The following C6orf89 variants were observed in gnomAD, a reference collection of about 807,000 sequenced individuals.
C6orf89 encodes the protein bombesin receptor-activated protein C6orf89.
C6orf89 carries 29 observed loss-of-function variants against 40.7 expected under a neutral mutation model. The ratio of observed to expected loss-of-function variants is 0.71; its 90% confidence interval spans 0.53 to 0.97. The LOEUF (loss-of-function observed/expected upper bound fraction) is 0.97, where lower values mean the gene tolerates loss of function less well. C6orf89 is among the 50% of genes least tolerant of loss of function. The probability of loss-of-function intolerance (pLI) is 0.00; values close to 1 mark genes in which losing one functional copy is unlikely to be tolerated. For synonymous variants in C6orf89, 165 were observed against 152.2 expected (o/e 1.08, Z -0.62); for missense variants, 392 against 429.1 (o/e 0.91, Z 0.76).
rs565782328 is a variant in C6orf89 at position 36,921,593 on chromosome 6, A to G, written c.950-1754A>G. 5.3e-5 allele frequency among the ~76,000 whole-genome samples: 8 copies of G among 152,334 alleles called. No homozygotes were observed. In the South Asian group the frequency reaches 1.7e-3, roughly 32 times the overall value. On this transcript the variant is annotated intron_variant, in intron 8 of 8. Transcript: ENST00000480824. ...AGTTGAATTCTACTCAGTGCTCTTC[A>G]TTTAAAGATGAGCAGGGCCCATAGT...
Position 36,928,552 on chromosome 6 carries a change from T to A in C6orf89, c.*5111T>A, listed in dbSNP as rs1339310791. The A allele has an allele frequency of 6.6e-6, 1 of 152,394 alleles. No individual in the cohort carries two copies. The highest frequency in any genetic ancestry group is 2.4e-5 in the African/African-American group (1 of 41,442). 9.4% of individuals were successfully genotyped at this position (152,394 alleles called of 1,614,324 possible). On this transcript the variant is annotated 3_prime_UTR_variant, in exon 9 of 9. Coordinates refer to ENST00000480824, the MANE Select transcript of C6orf89 (RefSeq NM_001286635.2). ...ATCCAGACAGGCTTCCCTCCATACT[T>A]CTTTCCACAGTTTTACCCTCAGAAA...
Position 36,914,187 on chromosome 6 carries a change from A to C in C6orf89, c.404-97A>C, listed in dbSNP as rs189524574. On this transcript the variant is annotated intron_variant, in intron 4 of 8. Transcript: ENST00000480824. ...AATAAATAAATAAATAAAAGTCATT[A>C]TGATGTCTTTCCTTTCTTGTTTCAT... The C allele has an allele frequency of 7.0e-5, 79 of 1,123,584 alleles. No individual in the cohort carries two copies. The African/African-American group carries it at 1.1e-3, about 16-fold the overall frequency. 69.6% of individuals were successfully genotyped at this position (1,123,584 alleles called of 1,614,324 possible). A position where few individuals can be genotyped will look rare whatever the true frequency, so the allele number is the denominator to read the frequency against.
At chr6:36,896,649 T>A (rs1007385982) in intron 2 of C6orf89, among the ~76,000 whole-genome samples, 6 of 152,186 alleles carry the variant, frequency 3.9e-5, no homozygotes, top group Non-Finnish European at 8.8e-5. Flanking sequence ...TACAAAAAGT[T>A]TTTAATTTTG....
At chr6:36,914,496 T>C (rs1561873659) in intron 5 of C6orf89, 58 bp from the exon 6 acceptor site, 2 of 1,612,088 alleles carry the variant, frequency 1.2e-6, no homozygotes, top group East Asian at 2.2e-5. Context: ...GGTCAAGCTC[T>C]AGGAAATTTC....
chr6:36,888,702 G>A lies in C6orf89; in HGVS notation c.-120+2674G>A, dbSNP rs934697119. On this transcript the variant is annotated intron_variant, in intron 1 of 8. Coordinates refer to ENST00000480824, the MANE Select transcript of C6orf89 (RefSeq NM_001286635.2). ...GGAAGAGGAGAACTGGAAGTATAGA[G>A]ATTAACTACATCTTTGTGATGGTCC... is the stretch of plus-strand genomic sequence containing the variant. 7.9e-5 allele frequency among the ~76,000 whole-genome samples: 12 copies of A among 152,152 alleles called. No homozygotes were observed. In the East Asian group the frequency reaches 2.1e-3, roughly 27 times the overall value.
At chr6:36,874,952 C>A in intron 1 of C6orf89, 1 of 635,792 alleles carries the variant, frequency 1.6e-6, no homozygotes, top group Non-Finnish European at 2.7e-6. Flanking sequence ...GGGTGGGAGA[C>A]GAGAAGAAGC....
At chr6:36,919,922 G>A (rs1037822379) in intron 8 of C6orf89, among the ~76,000 whole-genome samples, 1 of 152,136 alleles carries the variant, frequency 6.6e-6, no homozygotes, top group African/African-American at 2.4e-5. Flanking sequence ...TATAGAATGC[G>A]TGTGTCTATT....
chr6:36,890,917 G>T lies in C6orf89; in HGVS notation c.-119-3587G>T, dbSNP rs75589226. On this transcript the variant is annotated intron_variant, in intron 1 of 8. Transcript: ENST00000480824. ...TTTAAATCGTATTAATCATTTCAAT[G>T]TTTTATCAGTTATTTTTCCTTTTAA... 5.8e-3 allele frequency among the ~76,000 whole-genome samples: 882 copies of T among 152,192 alleles called. 7 individuals carry two copies. The highest frequency in any genetic ancestry group is 0.019 in the African/African-American group (797 of 41,516).
chr6:36,902,161 T>C (rs1286833359), intron 3 of C6orf89, 60 bp from the exon 4 acceptor site: 1 of 1,443,616 alleles, frequency 6.9e-7, no homozygotes, highest in African/African-American at 1.4e-5. Flanking sequence ...TTTTGTTTTT[T>C]TTCTTGGTAT....
Position 36,927,726 on chromosome 6 carries a change from G to A in C6orf89, c.*4285G>A, listed in dbSNP as rs1020358096. ...TGTGTACAGAACCGATGCATGGCAG[G>A]GTCAGGAAGCTAGGAGAGTGAAGGC... On this transcript the variant is annotated 3_prime_UTR_variant, in exon 9 of 9. Transcript: ENST00000480824. The A allele has an allele frequency of 4.6e-5, 7 of 152,238 alleles. No individual in the cohort carries two copies. Among genetic ancestry groups the A allele is most frequent in the African/African-American group, 9.7e-5 (4 of 41,448 alleles). The allele number at this position is 152,238 out of a possible 1,614,324, so 9.4% of individuals were successfully genotyped here. A position where few individuals can be genotyped will look rare whatever the true frequency, so the allele number is the denominator to read the frequency against.
At chr6:36,908,981 G>A (rs909277594) in intron 4 of C6orf89, among the ~76,000 whole-genome samples, 4 of 152,094 alleles carry the variant, frequency 2.6e-5, no homozygotes, top group African/African-American at 9.7e-5. Flanking sequence ...TGGATTCAGG[G>A]CTCATCCTAC....
intron 1 of C6orf89, among the ~76,000 whole-genome samples, chr6:36,888,632 C>T (rs1775082221): frequency 6.6e-6 from 1 of 151,934 alleles, no homozygotes; most frequent in Non-Finnish European, 1.5e-5. Flanking sequence ...GACCCTGTCT[C>T]AGAAAATAAA....
intron 1 of C6orf89, among the ~76,000 whole-genome samples, chr6:36,878,736 C>T (rs568544090): frequency 1.3e-5 from 2 of 152,312 alleles, no homozygotes; most frequent in African/African-American, 4.8e-5. Flanking sequence ...ATCCCAGCGG[C>T]CATACTTCAA....
chr6:36,923,579 A>C lies in C6orf89; in HGVS notation c.*138A>C. The stretch of plus-strand genomic sequence containing the variant: ...TGCCCTTTGCATGCATGTGTGAACC[A>C]GCTGTGAGCTGCAAGGCAGTGGCCA... On this transcript the variant is annotated 3_prime_UTR_variant, in exon 9 of 9. Coordinates refer to ENST00000480824, the MANE Select transcript of C6orf89 (RefSeq NM_001286635.2). 1.4e-6 allele frequency: 1 copy of C among 717,672 alleles called. No homozygotes were observed. Among genetic ancestry groups the C allele is most frequent in the Non-Finnish European group, 2.6e-6 (1 of 391,838 alleles). 44.5% of individuals were successfully genotyped at this position (717,672 alleles called of 1,614,324 possible).
intron 6 of C6orf89, 80 bp from the exon 7 acceptor site, chr6:36,916,365 C>T: frequency 6.4e-7 from 1 of 1,569,714 alleles, no homozygotes. Flanking sequence ...CACAGTTTTC[C>T]CACCCTTACT....
At chr6:36,912,138 C>T (rs1389290745) in intron 4 of C6orf89, among the ~76,000 whole-genome samples, 1 of 152,162 alleles carries the variant, frequency 6.6e-6, no homozygotes, top group Non-Finnish European at 1.5e-5. Context: ...TGGAAGCCCT[C>T]ACCACATCTT....
intron 4 of C6orf89, among the ~76,000 whole-genome samples, chr6:36,911,942 C>T (rs1012492374): frequency 1.5e-5 from 2 of 133,664 alleles, no homozygotes; most frequent in African/African-American, 2.7e-5. Context: ...CCCCCCCCCC[C>T]GACCTTTTCC....
chr6:36,904,803 C>T lies in C6orf89; in HGVS notation c.403+2369C>T, dbSNP rs6932672. 2.2e-3 allele frequency among the ~76,000 whole-genome samples: 333 copies of T among 152,240 alleles called. 1 individual carries two copies. The highest frequency in any genetic ancestry group is 6.8e-3 in the African/African-American group (283 of 41,548). ...GGTTTCCTGAAGTGCTGGCCTGTCT[C>T]ACACTCCCAGGGTCATCTGGTGCTC... On this transcript the variant is annotated intron_variant, in intron 4 of 8. Transcript: ENST00000480824.
chr6:36,893,441 G>T (rs1168105211), intron 1 of C6orf89, among the ~76,000 whole-genome samples: 1 of 152,110 alleles, frequency 6.6e-6, no homozygotes, highest in African/African-American at 2.4e-5. Context: ...TCTTAGAAAC[G>T]TCACTAAGTT....
Sources: allele counts gnomAD v4.1 joint callset (sites outside exome capture counted in the v4.1 genomes callset), GRCh38; gene constraint gnomAD v4.1.1; transcripts MANE v1.5; gene names NCBI Gene and HGNC (gene_info 2026-07-23, HGNC 2026-07-21).